The following ANO4 variants were observed in gnomAD, a reference collection of about 807,000 sequenced individuals.
ANO4 encodes anoctamin 4.
In ANO4, 69 loss-of-function variants were observed where a neutral mutation model predicts 141.9. The observed-to-expected ratio is 0.49, with a 90% CI of 0.40 to 0.59. ANO4 has a LOEUF of 0.59. ANO4 is among the 20% of genes least tolerant of loss of function. ANO4 has a pLI of 0.00. For missense variants in ANO4, 894 were observed against 1,162.2 expected, an observed-to-expected ratio of 0.77 and a Z score of 3.36; for synonymous variants, 350 against 394.3, an observed-to-expected ratio of 0.89 and a Z score of 1.33.
chr12:101,048,529 A>G (rs1039551212), intron 14 of ANO4, 128 bp downstream of exon 14: 4 of 763,654 alleles, frequency 5.2e-6, no homozygotes, highest in African/African-American at 3.5e-5. Flanking sequence ...CTATTAGTAG[A>G]AAGTTGGTAA....
chr12:100,914,446 A>G (rs886503404), intron 2 of ANO4, among the ~76,000 whole-genome samples: 5 of 152,222 alleles, frequency 3.3e-5, no homozygotes, highest in East Asian at 1.9e-4. Flanking sequence ...TCCTGCTAAT[A>G]TGAGCCAAGC....
intron 8 of ANO4, among the ~76,000 whole-genome samples, chr12:101,007,009 A>T (rs1388416712): frequency 6.6e-6 from 1 of 152,216 alleles, no homozygotes. Flanking sequence ...GCAGGAACTT[A>T]TACACTGGGG....
chr12:101,092,072 G>A (rs1014913375), intron 17 of ANO4, among the ~76,000 whole-genome samples: 8 of 152,124 alleles, frequency 5.3e-5, no homozygotes, highest in Middle Eastern at 3.4e-3. Flanking sequence ...ACTAGTGACC[G>A]AAAAACATCC....
intron 8 of ANO4, among the ~76,000 whole-genome samples, chr12:100,989,229 G>A (rs1412884302): frequency 2.6e-5 from 4 of 152,140 alleles, no homozygotes; most frequent in African/African-American, 9.7e-5. Context: ...ATCTTAGTTC[G>A]ATCCTCAAGA....
intron 8 of ANO4, among the ~76,000 whole-genome samples, chr12:101,018,098 TATC>T (rs2046385098): frequency 6.6e-6 from 1 of 152,222 alleles, no homozygotes; most frequent in South Asian, 2.1e-4. Flanking sequence ...AGCTTTCAGT[TATC>T]ATCTAGAATT....
At chr12:100,988,208 T>G (rs2136334653) in intron 8 of ANO4, among the ~76,000 whole-genome samples, 1 of 152,302 alleles carries the variant, frequency 6.6e-6, no homozygotes, top group Non-Finnish European at 1.5e-5. Flanking sequence ...AGAATGGTTA[T>G]TTGTCACTTT....
intron 1 of ANO4, among the ~76,000 whole-genome samples, chr12:100,806,524 G>GTTTCTTTTTTTTTT (rs2035046093): frequency 1.7e-5 from 1 of 59,838 alleles, no homozygotes; most frequent in African/African-American, 5.6e-5. Flanking sequence ...TTTTTGTTTC[G>GTTTCTTTTTTTTTT]TTTTTTTTTT....
At chr12:100,802,660 C>G (rs891855093) in intron 1 of ANO4, among the ~76,000 whole-genome samples, 4 of 152,142 alleles carry the variant, frequency 2.6e-5, no homozygotes, top group Non-Finnish European at 4.4e-5. Context: ...AGTACTTAAT[C>G]GAGCACGTAC....
At chr12:100,956,205 A>C (rs980440777) in intron 5 of ANO4, among the ~76,000 whole-genome samples, 9 of 152,204 alleles carry the variant, frequency 5.9e-5, no homozygotes, top group Non-Finnish European at 1.3e-4. Context: ...TCTCAATGCC[A>C]ATTTCTTTCA....
chr12:100,767,106 C>T (rs2033119970), intron 3 of ANO4, among the ~76,000 whole-genome samples: 2 of 152,100 alleles, frequency 1.3e-5, no homozygotes, highest in Non-Finnish European at 2.9e-5. Context: ...TAAAGTGAGT[C>T]TCTTGTAGGC....
chr12:101,002,603 T>G (rs1173488472), intron 8 of ANO4, among the ~76,000 whole-genome samples: 1 of 152,224 alleles, frequency 6.6e-6, no homozygotes, highest in Non-Finnish European at 1.5e-5. Context: ...CCTCTCACTC[T>G]TTGGTAATAT....
chr12:100,956,761 G>A (rs932682635), intron 5 of ANO4, among the ~76,000 whole-genome samples: 1 of 152,136 alleles, frequency 6.6e-6, no homozygotes, highest in African/African-American at 2.4e-5. Context: ...GTTCGCTGTT[G>A]CTTCTGATTG....
chr12:100,861,317 CCTA>C (rs2038462974), intron 1 of ANO4, among the ~76,000 whole-genome samples: 1 of 152,132 alleles, frequency 6.6e-6, no homozygotes, highest in Non-Finnish European at 1.5e-5. Context: ...GATGGTATAG[CCTA>C]CTATGCACCT....
chr12:100,975,935 AAAAAAAAAAG>A (rs2044166040), intron 7 of ANO4, among the ~76,000 whole-genome samples: 1 of 106,500 alleles, frequency 9.4e-6, no homozygotes. Flanking sequence ...TTCTGCCAAA[AAAAAAAAAAG>A]AAAAAAAAAA....
At chr12:100,956,199 A>C (rs968070842) in intron 5 of ANO4, among the ~76,000 whole-genome samples, 8 of 152,128 alleles carry the variant, frequency 5.3e-5, no homozygotes, top group African/African-American at 1.9e-4. Flanking sequence ...GAATCATCTC[A>C]ATGCCAATTT....
chr12:100,737,714 ATACTT>A lies in ANO4; in HGVS notation c.107-2136_107-2132del, dbSNP rs539300260. Among the ~76,000 whole-genome samples, 236 of 152,376 alleles carry A rather than the reference ATACTT, an allele frequency of 1.5e-3. 1 individual carries two copies. Among genetic ancestry groups the A allele is most frequent in the African/African-American group, 5.4e-3 (223 of 41,598 alleles). On this transcript the variant is annotated intron_variant, in intron 2 of 29. Coordinates refer to the ANO4 transcript ENST00000644049. ...TGCAATATTTATAGTAAGAACAAAA[ATACTT>A]TACAACCTTAGACTCAAAGCACTAG...
At chr12:101,033,618 A>C (rs2047073678) in intron 9 of ANO4, among the ~76,000 whole-genome samples, 1 of 152,192 alleles carries the variant, frequency 6.6e-6, no homozygotes, top group Non-Finnish European at 1.5e-5. Flanking sequence ...AAGCAATTGC[A>C]AGAAAAGCCA....
chr12:100,990,792 A>G (rs2045060504), intron 8 of ANO4, among the ~76,000 whole-genome samples: 1 of 152,216 alleles, frequency 6.6e-6, no homozygotes, highest in Non-Finnish European at 1.5e-5. Flanking sequence ...TGGGTCTTGA[A>G]GGATAAGACT....
chr12:101,038,976 T>C (rs1286048057), intron 10 of ANO4: 2 of 152,154 alleles, frequency 1.3e-5, no homozygotes, highest in African/African-American at 4.8e-5. Flanking sequence ...TTAGCTTGCC[T>C]CCAGAAAGTA....
Sources: gnomAD v4.1 joint callset for allele counts (sites outside exome capture counted in the v4.1 genomes callset) on GRCh38, gnomAD v4.1.1 for gene constraint, MANE v1.5 for transcripts, NCBI Gene and HGNC (gene_info 2026-07-23, HGNC 2026-07-21) for gene names.